Variants in XKR4 observed in about 807,000 individuals in gnomAD.
The protein encoded by XKR4 is XK-related protein 4.
Under a neutral mutation model 53.9 loss-of-function variants are expected in XKR4, and 12 were observed. That is an observed-to-expected ratio of 0.22 (90% CI 0.14 to 0.36). XKR4 has a LOEUF of 0.36. Ranked by LOEUF, XKR4 falls within the 10% of genes least tolerant of loss-of-function variation. The pLI is 1.00. For synonymous variants in XKR4, 354 were observed against 362.4 expected (o/e 0.98, Z 0.26); for missense variants, 799 against 859.5 (o/e 0.93, Z 0.88).
chr8:55,301,893 T>G (rs1819205341), intron 1 of XKR4, among the ~76,000 whole-genome samples: 1 of 152,242 alleles, frequency 6.6e-6, no homozygotes, highest in African/African-American at 2.4e-5. Flanking sequence ...TTCTGGATAT[T>G]AGCCCTTTGT....
chr8:55,342,097 G>A (rs1803558054), intron 1 of XKR4, among the ~76,000 whole-genome samples: 1 of 151,636 alleles, frequency 6.6e-6, no homozygotes, highest in African/African-American at 2.4e-5. Context: ...CATGATCTGT[G>A]GATCTCGCAT....
chr8:55,150,916 C>T lies in XKR4; in HGVS notation c.806+47622C>T, dbSNP rs1816832317. Among the ~76,000 whole-genome samples the T allele has an allele frequency of 2.6e-5, 4 of 152,282 alleles. No homozygotes were observed. In the South Asian group the frequency reaches 8.3e-4, roughly 32 times the overall value. Reference sequence around the variant, plus strand: ...ACACATTTGTCTACATTTATGTCAGCAAGACAGCTAACATTTCTCCCTGCA... The same window carrying T: ...ACACATTTGTCTACATTTATGTCAGTAAGACAGCTAACATTTCTCCCTGCA... On this transcript the variant is annotated intron_variant, in intron 1 of 2. Transcript: ENST00000327381.
At chr8:55,370,343 A>G (rs1585542700) in intron 2 of XKR4, among the ~76,000 whole-genome samples, 1 of 152,348 alleles carries the variant, frequency 6.6e-6, no homozygotes, top group East Asian at 1.9e-4. Flanking sequence ...AGCTCTTAAT[A>G]GTGCCCCATC....
intron 1 of XKR4, among the ~76,000 whole-genome samples, chr8:55,210,004 T>C (rs562278976): frequency 2.0e-5 from 3 of 152,284 alleles, no homozygotes; most frequent in African/African-American, 7.2e-5. Flanking sequence ...TTCCCAAAGA[T>C]TGAATGATGA....
intron 2 of XKR4, among the ~76,000 whole-genome samples, chr8:55,422,234 A>G (rs1262285806): frequency 6.6e-6 from 1 of 152,246 alleles, no homozygotes; most frequent in Non-Finnish European, 1.5e-5. Flanking sequence ...ATTCTATGCT[A>G]AAAGATATAA....
intron 1 of XKR4, chr8:55,135,337 T>G (rs1563465096): frequency 9.4e-6 from 2 of 213,740 alleles, no homozygotes; most frequent in Non-Finnish European, 2.0e-5. Flanking sequence ...ATCTAAAGCC[T>G]ACACTCTTTA....
At chr8:55,450,088 C>T (rs1361933635) in intron 2 of XKR4, 6 of 718,984 alleles carry the variant, frequency 8.3e-6, no homozygotes, top group East Asian at 2.9e-5. Flanking sequence ...AGCCTTCACG[C>T]GGTCCCAGGT....
chr8:55,202,088 A>G (rs1817583202), intron 1 of XKR4, among the ~76,000 whole-genome samples: 1 of 152,268 alleles, frequency 6.6e-6, no homozygotes, highest in East Asian at 1.9e-4. Context: ...TGAAGAGGAA[A>G]GAACTGGTGC....
chr8:55,389,483 A>G (rs1167796660), intron 2 of XKR4, among the ~76,000 whole-genome samples: 2 of 152,224 alleles, frequency 1.3e-5, no homozygotes, highest in Non-Finnish European at 2.9e-5. Context: ...TGGCTAATGG[A>G]TTATATTTGT....
chr8:55,248,845 C>T (rs1161181339), intron 1 of XKR4, among the ~76,000 whole-genome samples: 12 of 152,030 alleles, frequency 7.9e-5, no homozygotes, highest in African/African-American at 2.4e-4. Context: ...TGTGACATCC[C>T]GTAGACTTGT....
intron 1 of XKR4, among the ~76,000 whole-genome samples, chr8:55,106,701 A>T (rs1265765239): frequency 6.6e-6 from 1 of 152,184 alleles, no homozygotes; most frequent in Non-Finnish European, 1.5e-5. Context: ...CTATGTATGT[A>T]TGTACATAGT....
chr8:55,285,851 A>C (rs1276275014), intron 1 of XKR4, among the ~76,000 whole-genome samples: 1 of 152,182 alleles, frequency 6.6e-6, no homozygotes, highest in Non-Finnish European at 1.5e-5. Flanking sequence ...CCTCCCCCAA[A>C]ACAGCCATCC....
Position 55,461,421 on chromosome 8 carries a change from T to G in XKR4, c.1007-61860T>G, listed in dbSNP as rs191260661. 5.9e-3 allele frequency among the ~76,000 whole-genome samples: 900 copies of G among 152,248 alleles called. 9 individuals are homozygous for G. Among genetic ancestry groups the G allele is most frequent in the African/African-American group, 0.02 (839 of 41,528 alleles). ...GACCTGCAGCTGAGGGTCCTGACTG[T>G]TAGAAGGAAAACTAACAAACAGAAA... is the stretch of plus-strand genomic sequence containing the variant. On this transcript the variant is annotated intron_variant, in intron 2 of 2. Coordinates refer to ENST00000327381, the MANE Select transcript of XKR4 (RefSeq NM_052898.2).
At chr8:55,502,892 A>C (rs754115494) in intron 2 of XKR4, among the ~76,000 whole-genome samples, 3 of 152,044 alleles carry the variant, frequency 2.0e-5, no homozygotes. Context: ...TAATTTTTGC[A>C]TGTGGTGTAA....
chr8:55,520,589 A>G (rs926718416), intron 2 of XKR4, among the ~76,000 whole-genome samples: 1 of 152,234 alleles, frequency 6.6e-6, no homozygotes, highest in African/African-American at 2.4e-5. Context: ...AAAAATCATC[A>G]TCATCATCAT....
intron 2 of XKR4, among the ~76,000 whole-genome samples, chr8:55,403,773 T>G (rs1465581896): frequency 4.6e-5 from 7 of 152,222 alleles, no homozygotes; most frequent in Admixed American, 4.6e-4. Flanking sequence ...CTCTTTTTCT[T>G]TTCCTCCCTC....
At chr8:55,413,330 C>T (rs1406899628) in intron 2 of XKR4, among the ~76,000 whole-genome samples, 1 of 152,208 alleles carries the variant, frequency 6.6e-6, no homozygotes, top group Non-Finnish European at 1.5e-5. Context: ...TCAAGCAATT[C>T]TCCTGCTGCT....
intron 1 of XKR4, among the ~76,000 whole-genome samples, chr8:55,185,723 G>A (rs1563477898): frequency 6.6e-6 from 1 of 152,180 alleles, no homozygotes; most frequent in Non-Finnish European, 1.5e-5. Context: ...AGAACTATGT[G>A]CCTCATGGCT....
chr8:55,205,127 C>T (rs750085959), intron 1 of XKR4, among the ~76,000 whole-genome samples: 7 of 152,152 alleles, frequency 4.6e-5, no homozygotes, highest in Non-Finnish European at 8.8e-5. Context: ...TTTGTGCTTT[C>T]TTATATTTAC....
Sources: allele counts gnomAD v4.1 joint callset (sites outside exome capture counted in the v4.1 genomes callset), GRCh38; gene constraint gnomAD v4.1.1; transcripts MANE v1.5; gene names NCBI Gene and HGNC (gene_info 2026-07-23, HGNC 2026-07-21).